The following YEATS2 variants were observed in gnomAD, a reference collection of about 807,000 sequenced individuals.
YEATS2 encodes the protein YEATS domain-containing protein 2.
A neutral mutation model predicts 163.2 loss-of-function variants in YEATS2; 77 were observed. The ratio of observed to expected loss-of-function variants is 0.47; its 90% CI spans 0.39 to 0.57. YEATS2 has a LOEUF of 0.57. YEATS2 is among the 20% of genes least tolerant of loss of function. YEATS2 has a pLI of 0.00. For synonymous variants in YEATS2, 631 were observed against 645.1 expected (o/e 0.98, Z 0.33); for missense variants, 1,549 against 1,729.8 (o/e 0.90, Z 1.85).
intron 1 of YEATS2, among the ~76,000 whole-genome samples, chr3:183,700,825 C>G (rs1714001085): frequency 6.8e-6 from 1 of 147,134 alleles, no homozygotes; most frequent in African/African-American, 2.5e-5. Flanking sequence ...CTGTATGATT[C>G]TATTTATACG....
intron 23 of YEATS2, among the ~76,000 whole-genome samples, chr3:183,799,346 C>T (rs982640081): frequency 6.6e-6 from 1 of 152,044 alleles, no homozygotes. Flanking sequence ...TCAGGGTTGA[C>T]GGGGTGTGGA....
At position 183,810,657 on chromosome 3, in the gene YEATS2, G is replaced by A; in HGVS notation, c.*74G>A. On this transcript the variant is annotated 3_prime_UTR_variant, in exon 31 of 31. Transcript: ENST00000305135. The stretch of plus-strand genomic sequence containing the variant: ...TGTAACTGAGGACCCTGCTGCTCGG[G>A]AAGGAGGTGGTTTCCAGTGTGACTC... 1 of 1,382,704 alleles carries A rather than the reference G, an allele frequency of 7.2e-7. No homozygotes were observed. 85.7% of individuals were successfully genotyped at this position (1,382,704 alleles called of 1,614,324 possible). A position where few individuals can be genotyped will look rare whatever the true frequency, so the allele number is the denominator to read the frequency against.
At chr3:183,780,491 C>T (rs1723464957) in intron 19 of YEATS2, among the ~76,000 whole-genome samples, 1 of 152,210 alleles carries the variant, frequency 6.6e-6, no homozygotes, top group African/African-American at 2.4e-5. Flanking sequence ...GTTGCTTGTC[C>T]ACTATTGGGC....
chr3:183,776,153 T>G, intron 18 of YEATS2, 30 bp downstream of exon 18: 1 of 1,524,066 alleles, frequency 6.6e-7, no homozygotes, highest in Non-Finnish European at 8.8e-7. Context: ...ATATTTTAAA[T>G]CATTTAGCTA....
At chr3:183,740,154 A>G (rs1349267911) in intron 8 of YEATS2, among the ~76,000 whole-genome samples, 46 of 149,064 alleles carry the variant, frequency 3.1e-4, no homozygotes, top group African/African-American at 1.1e-3. Flanking sequence ...AGAAACTACC[A>G]TCAGAGTGAA....
rs201138371 is a variant in YEATS2 at position 183,752,168 on chromosome 3, G to C, written c.1065G>C (p.Leu355Phe). The change falls in exon 10 of 31, where the codon TTG (leucine) becomes TTC (phenylalanine). Residue 355 changes from leucine to phenylalanine, a missense_variant. Physicochemically the swap from Leu to Phe is conservative, Grantham distance 22. Transcript: ENST00000305135. Reference protein sequence around the residue: ...ESDISDAPPSLPLTIPAPVKA... With the variant: ...ESDISDAPPSFPLTIPAPVKA... ...ACATCTCTGATGCCCCTCCATCTTT[G>C]CCTTTGACCATTCCAGCCCCAGTGA... 3.1e-6 allele frequency: 5 copies of C among 1,613,904 alleles called. No individual in the cohort carries two copies. The highest frequency in any genetic ancestry group is 3.4e-6 in the Non-Finnish European group (4 of 1,180,004).
chr3:183,698,336 C>T (rs1042296843), intron 1 of YEATS2, among the ~76,000 whole-genome samples: 2 of 152,178 alleles, frequency 1.3e-5, no homozygotes, highest in Non-Finnish European at 2.9e-5. Context: ...GCCCCAGCAC[C>T]AGAAAGTCGT....
intron 1 of YEATS2, among the ~76,000 whole-genome samples, chr3:183,714,389 G>T (rs895631439): frequency 2.0e-5 from 3 of 150,880 alleles, no homozygotes; most frequent in African/African-American, 7.3e-5. Flanking sequence ...GTAGAGACGG[G>T]TTTTCACCGT....
chr3:183,718,224 A>G (rs751009437), intron 3 of YEATS2, among the ~76,000 whole-genome samples: 3 of 152,222 alleles, frequency 2.0e-5, no homozygotes, highest in Non-Finnish European at 2.9e-5. Context: ...TTTAAAAAAG[A>G]TAATCCCTCT....
rs1713634387 is a variant in YEATS2 at position 183,697,873 on chromosome 3, G to GGGGGTCGCT, written c.-135_-127dup. The GGGGGTCGCT allele has an allele frequency of 6.6e-6, 1 of 151,504 alleles. No individual in the cohort carries two copies. The highest frequency in any genetic ancestry group is 2.4e-5 in the African/African-American group (1 of 41,454). The allele number at this position is 151,504 out of a possible 1,614,324, so 9.4% of individuals were successfully genotyped here. A position where few individuals can be genotyped will look rare whatever the true frequency, so the allele number is the denominator to read the frequency against. ...CGCGCCGTGTGCTTCCGCAGGTTGC[G>GGGGGTCGCT]GGGGTCGCTGGGGCCTTGTGGCGGG... On this transcript the variant is annotated 5_prime_UTR_variant, in exon 1 of 31. Transcript: ENST00000305135.
chr3:183,713,593 C>T (rs1424110724), intron 1 of YEATS2, among the ~76,000 whole-genome samples: 5 of 152,140 alleles, frequency 3.3e-5, no homozygotes. Context: ...AGAAACCTGG[C>T]AGCTAGAAAA....
chr3:183,796,574 T>C (rs1181455660), intron 21 of YEATS2, among the ~76,000 whole-genome samples: 3 of 149,652 alleles, frequency 2.0e-5, no homozygotes, highest in Non-Finnish European at 3.0e-5. Flanking sequence ...ATACTAGATA[T>C]GTAGGGACAG....
intron 19 of YEATS2, among the ~76,000 whole-genome samples, chr3:183,778,111 C>CAAAAAAAAAAAAAAAA (rs569250141): frequency 1.8e-5 from 1 of 56,404 alleles, no homozygotes; most frequent in Non-Finnish European, 3.6e-5. Flanking sequence ...GATTCTGTCT[C>CAAAAAAAAAAAAAAAA]AAAAAAAAAA....
intron 7 of YEATS2, among the ~76,000 whole-genome samples, chr3:183,736,092 C>T (rs1038778804): frequency 5.9e-5 from 9 of 151,778 alleles, no homozygotes; most frequent in African/African-American, 1.9e-4. Context: ...TGCTCTTTTC[C>T]ATCAATTCCC....
intron 1 of YEATS2, among the ~76,000 whole-genome samples, chr3:183,701,988 TCA>T (rs1354199418): frequency 6.6e-6 from 1 of 152,186 alleles, no homozygotes; most frequent in Non-Finnish European, 1.5e-5. Context: ...CCTGAACATC[TCA>T]CAGTTACTTT....
chr3:183,801,167 C>T, intron 24 of YEATS2: 1 of 251,698 alleles, frequency 4.0e-6, no homozygotes, highest in Non-Finnish European at 7.6e-6. Context: ...AGTCACATTG[C>T]AAAAAGATTA....
At chr3:183,780,041 A>G (rs1723417788) in intron 19 of YEATS2, among the ~76,000 whole-genome samples, 1 of 148,520 alleles carries the variant, frequency 6.7e-6, no homozygotes, top group African/African-American at 2.5e-5. Flanking sequence ...TTTCTGACTC[A>G]AGATCTAACA....
intron 1 of YEATS2, among the ~76,000 whole-genome samples, chr3:183,709,141 CAAA>C (rs967670987): frequency 6.6e-6 from 1 of 150,884 alleles, no homozygotes; most frequent in African/African-American, 2.4e-5. Context: ...GCCTGGGCGA[CAAA>C]AGTGAGACTC....
chr3:183,728,970 C>G (rs1717417885), intron 7 of YEATS2, 119 bp downstream of exon 7: 9 of 1,191,244 alleles, frequency 7.6e-6, no homozygotes, highest in South Asian at 1.5e-5. Context: ...AGAATTGGCT[C>G]TTAGTCAAAA....
Sources: gnomAD v4.1 joint callset for allele counts (sites outside exome capture counted in the v4.1 genomes callset) on GRCh38, gnomAD v4.1.1 for gene constraint, MANE v1.5 for transcripts, NCBI Gene and HGNC (gene_info 2026-07-23, HGNC 2026-07-21) for gene names.